The following SPATS2L variants were observed in gnomAD, a reference collection of about 807,000 sequenced individuals.
SPATS2L encodes the protein spermatogenesis associated serine rich 2 like, also known as SPATS2-like protein.
A neutral mutation model predicts 59.6 loss-of-function variants in SPATS2L; 30 were observed. The ratio of observed to expected loss-of-function variants is 0.50; its 90% CI spans 0.38 to 0.68. The LOEUF (loss-of-function observed/expected upper bound fraction) is 0.68. Ranked by LOEUF, SPATS2L falls within the 30% of genes least tolerant of loss-of-function variation. SPATS2L has a pLI of 0.00. For missense variants in SPATS2L, 615 were observed against 700.0 expected, an observed-to-expected ratio of 0.88 and a Z score of 1.37; for synonymous variants, 252 against 263.5, an observed-to-expected ratio of 0.96 and a Z score of 0.42.
chr2:200,448,028 C>G (rs2085167764), intron 8 of SPATS2L, among the ~76,000 whole-genome samples: 1 of 152,112 alleles, frequency 6.6e-6, no homozygotes, highest in Non-Finnish European at 1.5e-5. Flanking sequence ...TCCTTTAGTC[C>G]CAGCTACTCA....
intron 1 of SPATS2L, among the ~76,000 whole-genome samples, chr2:200,323,660 A>G (rs1302169818): frequency 1.3e-5 from 2 of 152,098 alleles, no homozygotes; most frequent in African/African-American, 4.8e-5. Flanking sequence ...TATTCCTCTA[A>G]TGAGGGAAGG....
chr2:200,451,765 T>G (rs946017172), intron 8 of SPATS2L, among the ~76,000 whole-genome samples: 1 of 152,116 alleles, frequency 6.6e-6, no homozygotes, highest in Non-Finnish European at 1.5e-5. Flanking sequence ...TCCTGTTATT[T>G]ATGTTCAGCA....
At chr2:200,453,357 G>T (rs138741669) in intron 8 of SPATS2L, among the ~76,000 whole-genome samples, 1 of 152,374 alleles carries the variant, frequency 6.6e-6, no homozygotes, top group African/African-American at 2.4e-5. Context: ...ATTTGTGGCT[G>T]TCAAGCCAGG....
rs1574416254 is a variant in SPATS2L at position 200,331,842 on chromosome 2, G to A, written c.-23+2362G>A. ...CAGTGGTCGACCAGAGGCAGATTTT[G>A]CTCGTACCACAGTATTGTCATCTAA... On this transcript the variant is annotated intron_variant, in intron 2 of 12. Transcript: ENST00000409140. 3.9e-5 allele frequency among the ~76,000 whole-genome samples: 6 copies of A among 152,188 alleles called. No homozygotes were observed. The South Asian group carries it at 1.2e-3, about 31-fold the overall frequency.
At chr2:200,347,486 A>T (rs1193976158) in intron 2 of SPATS2L, among the ~76,000 whole-genome samples, 1 of 152,080 alleles carries the variant, frequency 6.6e-6, no homozygotes, top group Non-Finnish European at 1.5e-5. Context: ...GAAAAAGTCC[A>T]TTTTCCTAAT....
At chr2:200,440,218 C>A (rs746470376) in intron 7 of SPATS2L, among the ~76,000 whole-genome samples, 5 of 152,240 alleles carry the variant, frequency 3.3e-5, no homozygotes, top group Admixed American at 6.5e-5. Flanking sequence ...GATGCCCCAT[C>A]CTCTCTCTAT....
At chr2:200,376,430 C>A (rs954655088) in intron 2 of SPATS2L, among the ~76,000 whole-genome samples, 3 of 152,116 alleles carry the variant, frequency 2.0e-5, no homozygotes, top group Non-Finnish European at 4.4e-5. Context: ...CATATGAATT[C>A]TTTCTTTTAT....
intron 11 of SPATS2L, among the ~76,000 whole-genome samples, 159 bp from the exon 12 acceptor site, chr2:200,472,673 C>T (rs1001751359): frequency 6.6e-5 from 10 of 152,160 alleles, no homozygotes; most frequent in African/African-American, 2.4e-4. Flanking sequence ...CTCTTAAGCA[C>T]CAAGATGCCC....
chr2:200,353,781 G>A (rs774432453), intron 2 of SPATS2L, among the ~76,000 whole-genome samples: 5 of 152,144 alleles, frequency 3.3e-5, no homozygotes, highest in African/African-American at 1.2e-4. Flanking sequence ...GTACTGTGCC[G>A]TGGTCTAAAA....
chr2:200,404,970 T>G (rs186577956), intron 3 of SPATS2L, among the ~76,000 whole-genome samples: 1 of 152,340 alleles, frequency 6.6e-6, no homozygotes. Context: ...CTGGACCCAC[T>G]GAGATAATCC....
At chr2:200,453,185 A>G (rs1290689809) in intron 8 of SPATS2L, among the ~76,000 whole-genome samples, 1 of 152,204 alleles carries the variant, frequency 6.6e-6, no homozygotes, top group Non-Finnish European at 1.5e-5. Context: ...GAGAGATGAC[A>G]CCAGTAACCA....
chr2:200,392,998 A>C (rs942496479), intron 3 of SPATS2L: 2 of 335,370 alleles, frequency 6.0e-6, no homozygotes, highest in African/African-American at 4.3e-5. Context: ...TTGGCCATTG[A>C]GTAAAAAATA....
chr2:200,440,174 G>A (rs775210208), intron 7 of SPATS2L, among the ~76,000 whole-genome samples: 2 of 152,168 alleles, frequency 1.3e-5, no homozygotes, highest in African/African-American at 4.8e-5. Flanking sequence ...GCCTGGCTTC[G>A]GATGATGGGG....
chr2:200,309,451 A>T (rs1011162669), intron 1 of SPATS2L, among the ~76,000 whole-genome samples: 1 of 152,202 alleles, frequency 6.6e-6, no homozygotes, highest in South Asian at 2.1e-4. Context: ...GCTTCATAGT[A>T]CTTCTTTCCT....
intron 7 of SPATS2L, 95 bp from the exon 8 acceptor site, chr2:200,440,554 T>C: frequency 3.2e-6 from 4 of 1,252,026 alleles, no homozygotes; most frequent in Non-Finnish European, 3.3e-6. Flanking sequence ...GATGAGTCCC[T>C]TTTTCTGGTG....
chr2:200,433,568 T>A (rs2106073920), intron 6 of SPATS2L, among the ~76,000 whole-genome samples: 1 of 152,112 alleles, frequency 6.6e-6, no homozygotes, highest in South Asian at 2.1e-4. Flanking sequence ...AAAGAAAATT[T>A]CACAAGAGAT....
At position 200,345,444 on chromosome 2, in the gene SPATS2L, G is replaced by A. The variant is rs1271130862; in HGVS notation, c.-23+15964G>A. 1.1e-3 allele frequency among the ~76,000 whole-genome samples: 171 copies of A among 152,278 alleles called. 1 individual carries two copies. Among genetic ancestry groups the A allele is most frequent in the Admixed American group, 2.0e-3 (31 of 15,284 alleles). ...TTGTAAACATATTTCAGCTGAACAT[G>A]TGTGCTGTGATTTTGAAAACACTGA... is the stretch of plus-strand genomic sequence containing the variant. On this transcript the variant is annotated intron_variant, in intron 2 of 12. Transcript: ENST00000409140.
intron 8 of SPATS2L, among the ~76,000 whole-genome samples, chr2:200,455,102 T>C (rs957964023): frequency 2.0e-5 from 3 of 152,246 alleles, no homozygotes; most frequent in Non-Finnish European, 4.4e-5. Context: ...ACCAAAAGTT[T>C]TGCATAAATG....
intron 6 of SPATS2L, among the ~76,000 whole-genome samples, chr2:200,431,160 T>G (rs1021226895): frequency 6.6e-6 from 1 of 152,256 alleles, no homozygotes; most frequent in African/African-American, 2.4e-5. Context: ...TTTTAAGTTA[T>G]TAATATATTA....
Sources: allele counts gnomAD v4.1 joint callset (sites outside exome capture counted in the v4.1 genomes callset), GRCh38; gene constraint gnomAD v4.1.1; transcripts MANE v1.5; gene names NCBI Gene and HGNC (gene_info 2026-07-23, HGNC 2026-07-21).